The following KATNA1 variants were observed in gnomAD, a reference collection of about 807,000 sequenced individuals.
KATNA1 encodes katanin p60 ATPase-containing subunit A1.
Under a neutral mutation model 62.6 loss-of-function variants are expected in KATNA1, and 42 were observed. The observed-to-expected ratio is 0.67, with a 90% CI of 0.52 to 0.87. The LOEUF (loss-of-function observed/expected upper bound fraction) is 0.87, where lower values mean the gene tolerates loss of function less well. KATNA1 is among the 40% of genes least tolerant of loss of function. KATNA1 has a pLI of 0.00. For synonymous variants in KATNA1, 186 were observed against 201.9 expected (o/e 0.92, Z 0.67); for missense variants, 498 against 612.5 (o/e 0.81, Z 1.97).
At chr6:149,642,923 T>G (rs1387399004) in intron 1 of KATNA1, among the ~76,000 whole-genome samples, 1 of 152,218 alleles carries the variant, frequency 6.6e-6, no homozygotes, top group African/African-American at 2.4e-5. Context: ...GCCTCTAAGA[T>G]GGCACTCAAT....
intron 4 of KATNA1, among the ~76,000 whole-genome samples, chr6:149,612,095 C>T (rs935049652): frequency 6.6e-5 from 10 of 152,302 alleles, no homozygotes; most frequent in African/African-American, 2.4e-4. Flanking sequence ...AAATCACAAA[C>T]TACCACAACT....
chr6:149,599,354 T>C (rs556754744), intron 7 of KATNA1, among the ~76,000 whole-genome samples: 1 of 152,252 alleles, frequency 6.6e-6, no homozygotes, highest in South Asian at 2.1e-4. Flanking sequence ...CTTCAGTCTG[T>C]TGCCACACCA....
upstream of KATNA1, chr6:149,648,868 A>G (rs1780588957): frequency 6.6e-6 from 1 of 152,184 alleles, no homozygotes; most frequent in Non-Finnish European, 1.5e-5. Context: ...CTTGGTGTAG[A>G]TGGTATTATG....
At position 149,596,586 on chromosome 6, in the gene KATNA1, T is replaced by C. The variant is rs554049808; in HGVS notation, c.1277+477A>G. Among the ~76,000 whole-genome samples, 62 of 152,096 alleles carry C rather than the reference T, an allele frequency of 4.1e-4. 2 individuals carry two copies. The South Asian group carries it at 0.012, about 30-fold the overall frequency. ...GGTCTTTATTCATCTTTTTTTTTTT[T>C]CTTTGGACACAGGGTCTTGCTTTGT... is the stretch of plus-strand genomic sequence containing the variant. On this transcript the variant is annotated intron_variant, in intron 10 of 10. Coordinates refer to ENST00000367411, the MANE Select transcript of KATNA1 (RefSeq NM_007044.4).
chr6:149,597,163 T>C lies in KATNA1; in HGVS notation c.1177A>G (p.Ile393Val), dbSNP rs570083415. Residue 393 changes from isoleucine (I) to valine (V), a missense_variant, in exon 10 of 11, where the codon ATA (isoleucine) becomes GTA (valine). Around this residue, in one of 3 missense-constraint regions of KATNA1, gnomAD observed 267 missense variants for 372.6 expected, o/e 0.72. Transcript: ENST00000367411. The stretch of plus-strand genomic sequence containing the variant: ...GCCAATTCCAACTCACGTAGACTTA[T>C]TCGTAATAGCTCCTCCCTGCCTTTT... ...SAKGREELLR[I>V]SLRELELADD... 5.6e-6 allele frequency: 9 copies of C among 1,613,896 alleles called. No homozygotes were observed. Among genetic ancestry groups the C allele is most frequent in the South Asian group, 1.1e-5 (1 of 91,072 alleles).
At chr6:149,645,116 C>T (rs1014515485) in intron 1 of KATNA1, among the ~76,000 whole-genome samples, 1 of 152,134 alleles carries the variant, frequency 6.6e-6, no homozygotes, top group Admixed American at 6.6e-5. Context: ...GTATTAAGCA[C>T]AATATCTGGC....
At chr6:149,595,733 A>G (rs893473762) in intron 10 of KATNA1, among the ~76,000 whole-genome samples, 5 of 152,000 alleles carry the variant, frequency 3.3e-5, no homozygotes, top group Non-Finnish European at 5.9e-5. Context: ...AATAGCAGCC[A>G]CCATTTATGC....
chr6:149,611,292 T>A (rs889479486), intron 4 of KATNA1, among the ~76,000 whole-genome samples: 1 of 151,092 alleles, frequency 6.6e-6, no homozygotes, highest in Non-Finnish European at 1.5e-5. Context: ...CGAAACCCTG[T>A]CTCTACTAAA....
At chr6:149,607,445 C>G (rs1778784799) in intron 4 of KATNA1, among the ~76,000 whole-genome samples, 1 of 152,090 alleles carries the variant, frequency 6.6e-6, no homozygotes, top group Non-Finnish European at 1.5e-5. Context: ...AACCCCCTCT[C>G]TACTAAAAAT....
rs1778380197 is a variant in KATNA1, at chr6:149,597,659, G to A, written c.1016-18C>T. ...TCCAACACCTAAAATAAGGGTAAGGGGAGAGTGAAAAAGATATTAAGTTGG... is the reference window on the plus strand; with the variant it reads ...TCCAACACCTAAAATAAGGGTAAGGAGAGAGTGAAAAAGATATTAAGTTGG... On this transcript the variant is annotated intron_variant, in intron 8 of 10. Coordinates refer to ENST00000367411, the MANE Select transcript of KATNA1 (RefSeq NM_007044.4). 2 of 1,605,392 alleles carry A rather than the reference G, an allele frequency of 1.2e-6. No homozygotes were observed. Among genetic ancestry groups the A allele is most frequent in the Non-Finnish European group, 1.7e-6 (2 of 1,176,530 alleles).
chr6:149,611,499 A>G (rs1417854260), intron 4 of KATNA1, among the ~76,000 whole-genome samples: 1 of 151,344 alleles, frequency 6.6e-6, no homozygotes, highest in African/African-American at 2.4e-5. Context: ...AAAAAGAAAA[A>G]AAAAGATATT....
At chr6:149,617,539 C>T (rs1180926412) in intron 4 of KATNA1, among the ~76,000 whole-genome samples, 2 of 152,164 alleles carry the variant, frequency 1.3e-5, no homozygotes, top group South Asian at 2.1e-4. Flanking sequence ...CAGTGGCTCA[C>T]GCCTGTAATC....
At chr6:149,637,459 G>A (rs557515913) in intron 2 of KATNA1, among the ~76,000 whole-genome samples, 11 of 152,128 alleles carry the variant, frequency 7.2e-5, no homozygotes, top group South Asian at 4.2e-4. Flanking sequence ...TTACAGTTTC[G>A]ACAATGGCTT....
intron 3 of KATNA1, among the ~76,000 whole-genome samples, chr6:149,626,990 T>A (rs1004205125): frequency 3.3e-5 from 5 of 151,164 alleles, no homozygotes; most frequent in Non-Finnish European, 7.4e-5. Context: ...TCTTAAAAAA[T>A]AATAATAATA....
intron 7 of KATNA1, among the ~76,000 whole-genome samples, chr6:149,599,772 C>G (rs1197105941): frequency 6.6e-6 from 1 of 152,124 alleles, no homozygotes; most frequent in Non-Finnish European, 1.5e-5. Flanking sequence ...CCCGCCTCAA[C>G]CTCCCAAAGT....
At chr6:149,643,677 T>C (rs1780372698) in intron 1 of KATNA1, among the ~76,000 whole-genome samples, 1 of 151,756 alleles carries the variant, frequency 6.6e-6, no homozygotes, top group Admixed American at 6.6e-5. Flanking sequence ...GAATACTGCC[T>C]AGTTGTTGTC....
intron 1 of KATNA1, among the ~76,000 whole-genome samples, chr6:149,648,096 A>G (rs1780556045): frequency 6.6e-6 from 1 of 152,070 alleles, no homozygotes; most frequent in African/African-American, 2.4e-5. Context: ...TTGCCTCCCA[A>G]TGTCATGGCC....
chr6:149,646,074 A>G (rs1026070820), intron 1 of KATNA1, among the ~76,000 whole-genome samples: 4 of 152,144 alleles, frequency 2.6e-5, no homozygotes, highest in Non-Finnish European at 2.9e-5. Flanking sequence ...GGCTCCACTT[A>G]TTTGCAGTTT....
intron 3 of KATNA1, among the ~76,000 whole-genome samples, chr6:149,623,783 G>T (rs1169871339): frequency 6.6e-6 from 1 of 152,028 alleles, no homozygotes; most frequent in African/African-American, 2.4e-5. Context: ...ATATCTGTTG[G>T]TGATTTAATT....
Sources: allele counts gnomAD v4.1 joint callset (sites outside exome capture counted in the v4.1 genomes callset), GRCh38; gene constraint gnomAD v4.1.1; regional missense constraint gnomAD v4.1.1; transcripts MANE v1.5; gene names NCBI Gene and HGNC (gene_info 2026-07-23, HGNC 2026-07-21).